STARD13: variants seen among roughly 807,000 people sequenced by gnomAD.
STARD13 encodes the protein stAR-related lipid transfer protein 13.
STARD13 carries 62 observed loss-of-function variants against 106.4 expected under a neutral mutation model. The observed-to-expected ratio is 0.58, with a 90% CI of 0.48 to 0.72. STARD13 has a LOEUF of 0.72. Ranked by LOEUF, STARD13 falls within the 30% of genes least tolerant of loss-of-function variation. The pLI, the probability that STARD13 is intolerant of heterozygous loss-of-function variation, is 0.00. For missense variants in STARD13, 1,387 were observed against 1,424.0 expected, an observed-to-expected ratio of 0.97 and a Z score of 0.42; for synonymous variants, 565 against 553.0, an observed-to-expected ratio of 1.02 and a Z score of -0.31.
the STARD13 span, among the ~76,000 whole-genome samples, chr13:33,389,101 GCCAACCA>G: frequency 6.6e-6 from 1 of 151,816 alleles, no homozygotes; most frequent in Non-Finnish European, 1.5e-5. Context: ...GATTATAGGT[GCCAACCA>G]CCACGTCTGG....
intron 3 of STARD13, among the ~76,000 whole-genome samples, chr13:33,144,549 A>T (rs1233603580): frequency 6.6e-6 from 1 of 152,058 alleles, no homozygotes; most frequent in Non-Finnish European, 1.5e-5. Flanking sequence ...GACTCTCCTC[A>T]TTTTCAACCA....
intron 3 of STARD13, chr13:33,155,385 C>T (rs1232644883): frequency 6.6e-6 from 1 of 152,208 alleles, no homozygotes; most frequent in African/African-American, 2.4e-5. Flanking sequence ...CAACTTCATG[C>T]ATAATGAACA....
chr13:33,238,113 CTCTT>C (rs1365693707), intron 1 of STARD13, among the ~76,000 whole-genome samples: 3 of 152,184 alleles, frequency 2.0e-5, no homozygotes, highest in Admixed American at 6.5e-5. Flanking sequence ...ATCTAGGACT[CTCTT>C]TCAGATAGCA....
chr13:33,436,202 AT>A, the STARD13 span, among the ~76,000 whole-genome samples: 3 of 152,216 alleles, frequency 2.0e-5, no homozygotes, highest in Admixed American at 6.5e-5. Flanking sequence ...AGAGAAAAAA[AT>A]ATATGATTTC....
the STARD13 span, among the ~76,000 whole-genome samples, chr13:33,545,588 T>C: frequency 2.0e-5 from 3 of 152,218 alleles, no homozygotes; most frequent in Non-Finnish European, 2.9e-5. Flanking sequence ...TGATCCCCAG[T>C]GTTGGAGGTG....
At chr13:33,529,513 T>A in the STARD13 span, among the ~76,000 whole-genome samples, 1 of 152,138 alleles carries the variant, frequency 6.6e-6, no homozygotes, top group African/African-American at 2.4e-5. Flanking sequence ...AGCCAGTCAT[T>A]CATTCATTCA....
the STARD13 span, among the ~76,000 whole-genome samples, chr13:33,615,771 C>G: frequency 1.3e-5 from 2 of 152,184 alleles, no homozygotes; most frequent in African/African-American, 4.8e-5. Flanking sequence ...AATAGCATCG[C>G]TCTGCACCCA....
At chr13:33,219,942 C>T (rs1280921736) in intron 1 of STARD13, among the ~76,000 whole-genome samples, 1 of 152,056 alleles carries the variant, frequency 6.6e-6, no homozygotes, top group Non-Finnish European at 1.5e-5. Flanking sequence ...CCCACAGCAC[C>T]TTATCAAAAA....
the STARD13 span, among the ~76,000 whole-genome samples, chr13:33,363,668 GGAGCA>G: frequency 6.6e-6 from 1 of 152,170 alleles, no homozygotes. Context: ...TCTTCTGCCT[GGAGCA>G]CACTGACTCT....
chr13:33,230,908 C>G (rs1017241532), intron 1 of STARD13, among the ~76,000 whole-genome samples: 1 of 152,218 alleles, frequency 6.6e-6, no homozygotes, highest in Non-Finnish European at 1.5e-5. Context: ...GGAAAGAACT[C>G]TAATACCTGT....
chr13:33,114,229 G>A (rs540048227), intron 8 of STARD13, among the ~76,000 whole-genome samples: 1 of 152,288 alleles, frequency 6.6e-6, no homozygotes, highest in African/African-American at 2.4e-5. Context: ...CAAACTCAGA[G>A]CTGGCTGTTC....
intron 1 of STARD13, among the ~76,000 whole-genome samples, chr13:33,226,731 G>A (rs1343972690): frequency 1.3e-5 from 2 of 151,968 alleles, no homozygotes; most frequent in African/African-American, 4.8e-5. Context: ...CACCACACCC[G>A]GCCTCAAATT....
the STARD13 span, among the ~76,000 whole-genome samples, chr13:33,618,007 G>T: frequency 2.6e-5 from 4 of 152,168 alleles, no homozygotes; most frequent in Non-Finnish European, 5.9e-5. Flanking sequence ...AACCATCCTT[G>T]CAAAAAGCAA....
the STARD13 span, among the ~76,000 whole-genome samples, chr13:33,428,797 G>A: frequency 6.6e-6 from 1 of 152,108 alleles, no homozygotes; most frequent in African/African-American, 2.4e-5. Context: ...ATTATTAGGA[G>A]CTTTTTAGGA....
intron 1 of STARD13, among the ~76,000 whole-genome samples, chr13:33,171,082 T>G (rs1883902595): frequency 6.6e-6 from 1 of 152,252 alleles, no homozygotes; most frequent in African/African-American, 2.4e-5. Flanking sequence ...GAGATTTAAA[T>G]GACATTTGAG....
chr13:33,151,744 G>T (rs1016817022), intron 3 of STARD13, among the ~76,000 whole-genome samples: 1 of 152,222 alleles, frequency 6.6e-6, no homozygotes, highest in African/African-American at 2.4e-5. Context: ...TTGCATTTTA[G>T]AAATGTAACT....
chr13:33,521,309 G>T, the STARD13 span, among the ~76,000 whole-genome samples: 11 of 152,048 alleles, frequency 7.2e-5, no homozygotes, highest in Admixed American at 1.3e-4. Context: ...ACACTAGATT[G>T]AAGAATTTGT....
chr13:33,496,392 GTTACTA>G, the STARD13 span, among the ~76,000 whole-genome samples: 1 of 151,298 alleles, frequency 6.6e-6, no homozygotes, highest in African/African-American at 2.4e-5. Flanking sequence ...CATTATTATT[GTTACTA>G]TTACTATTAT....
intron 12 of STARD13, 123 bp from the exon 13 acceptor site, chr13:33,107,057 T>A: frequency 1.2e-6 from 1 of 864,688 alleles, no homozygotes; most frequent in Non-Finnish European, 1.8e-6. Context: ...CCAATGCTAG[T>A]GACTTGGATT....
Sources: allele counts gnomAD v4.1 joint callset (sites outside exome capture counted in the v4.1 genomes callset), GRCh38; gene constraint gnomAD v4.1.1; transcripts MANE v1.5; gene names NCBI Gene and HGNC (gene_info 2026-07-23, HGNC 2026-07-21).